The following STEAP2 variants were observed in gnomAD, a reference collection of about 807,000 sequenced individuals.
STEAP2 encodes the protein STEAP2 metalloreductase, also known as metalloreductase STEAP2.
STEAP2 carries 30 observed loss-of-function variants against 46.4 expected under a neutral mutation model. That is an observed-to-expected ratio of 0.65 (90% CI 0.48 to 0.88). The LOEUF is 0.88. Among genes scored for constraint, STEAP2 ranks in the 40% least tolerant of loss-of-function variants. The pLI is 0.00. For synonymous variants in STEAP2, 180 were observed against 200.5 expected (o/e 0.90, Z 0.86); for missense variants, 513 against 579.3 (o/e 0.89, Z 1.18).
chr7:90,236,573 T>C lies in STEAP2; in HGVS notation c.*3949T>C. 1 of 1,054,598 alleles carries C rather than the reference T, an allele frequency of 9.5e-7. No individual in the cohort carries two copies. Among genetic ancestry groups the C allele is most frequent in the Non-Finnish European group, 1.1e-6 (1 of 874,698 alleles). The allele number at this position is 1,054,598 out of a possible 1,614,324, so 65.3% of individuals were successfully genotyped here. Reference sequence around the variant, plus strand: ...TTTCAGTGGAAACTCAATCTGTTTTTACCTTTAAACAGTGAATTTTACATG... The same window carrying C: ...TTTCAGTGGAAACTCAATCTGTTTTCACCTTTAAACAGTGAATTTTACATG... On this transcript the variant is annotated 3_prime_UTR_variant, in exon 6 of 6. Coordinates refer to ENST00000394621, the MANE Select transcript of STEAP2 (RefSeq NM_001244944.2).
At chr7:90,242,820 G>T (rs575375750), downstream of STEAP2, among the ~76,000 whole-genome samples, 1 of 152,304 alleles carries the variant, frequency 6.6e-6, no homozygotes, top group Admixed American at 6.5e-5. Flanking sequence ...TGCAGCAGAA[G>T]CATGCTGGGC....
At chr7:90,212,817 GCCCCACCCCCAC>G (rs906830927) in intron 1 of STEAP2, among the ~76,000 whole-genome samples, 3 of 135,966 alleles carry the variant, frequency 2.2e-5, no homozygotes, top group South Asian at 2.4e-4. Context: ...TCAGACTCCT[GCCCCACCCCCAC>G]CCCCACCCCC....
Position 90,237,548 on chromosome 7 carries a change from C to G in STEAP2, c.*4924C>G, listed in dbSNP as rs1272252577. 1 of 153,064 alleles carries G rather than the reference C, an allele frequency of 6.5e-6. No individual in the cohort carries two copies. The highest frequency in any genetic ancestry group is 1.5e-5 in the Non-Finnish European group (1 of 68,696). 9.5% of individuals were successfully genotyped at this position (153,064 alleles called of 1,614,324 possible). On this transcript the variant is annotated 3_prime_UTR_variant, in exon 6 of 6. Coordinates refer to ENST00000394621, the MANE Select transcript of STEAP2 (RefSeq NM_001244944.2). ...AAAATATTGCTATCAAATTACACAC[C>G]ATGTTTTCTATCATTCTCATAGATC...
At position 90,225,159 on chromosome 7, in the gene STEAP2, A is replaced by G. The variant is rs753970968; in HGVS notation, c.77A>G (p.Lys26Arg). 1.6e-5 allele frequency: 26 copies of G among 1,614,006 alleles called. No individual in the cohort carries two copies. The South Asian group carries it at 2.7e-4, about 17-fold the overall frequency. The change falls in exon 3 of 6, where the codon AAA becomes AGA. Residue 26 changes from lysine (K) to arginine (R), a missense_variant. Coordinates refer to ENST00000394621, the MANE Select transcript of STEAP2 (RefSeq NM_001244944.2). ...TFLPNGINGI[K>R]DARKVTVGVI... ...TTACCTAATGGCATAAATGGTATCA[A>G]AGATGCAAGGAAGGTCACTGTAGGT...
At chr7:90,227,599 AT>A (rs1795557753) in intron 4 of STEAP2, 101 bp downstream of exon 4, 1 of 1,188,916 alleles carries the variant, frequency 8.4e-7, no homozygotes, top group Non-Finnish European at 1.1e-6. Context: ...TGGAAATTTG[AT>A]TTTGGTATAC....
intron 5 of STEAP2, 76 bp from the exon 6 acceptor site, chr7:90,232,261 C>A: frequency 7.0e-7 from 1 of 1,427,828 alleles, no homozygotes; most frequent in South Asian, 1.7e-5. Context: ...CATGGTGTAT[C>A]TTGATAGTTT....
rs150065024 is a variant in STEAP2 at position 90,229,811 on chromosome 7, CTG to C, written c.1021-58_1021-57del. On this transcript the variant is annotated intron_variant, in intron 4 of 5. Transcript: ENST00000394621. ...GTTCTTCTTATGCCAAGAGTGAACTCTGTGCTGAATCAGTTAATGTTCTACTA... is the reference window on the plus strand; with the variant it reads ...GTTCTTCTTATGCCAAGAGTGAACTCTGCTGAATCAGTTAATGTTCTACTA... 234 of 1,570,250 alleles carry C rather than the reference CTG, an allele frequency of 1.5e-4. 1 individual carries two copies. The African/African-American group carries it at 2.9e-3, about 20-fold the overall frequency.
Position 90,225,222 on chromosome 7 carries a change from T to C in STEAP2, c.140T>C (p.Ile47Thr), listed in dbSNP as rs1795431140. ...GSGDFAKSLT[I>T]RLIRCGYHVV... ...GGAGATTTTGCCAAATCCTTGACCA[T>C]TCGACTTATTAGATGCGGCTATCAT... is the stretch of plus-strand genomic sequence containing the variant. The change falls in exon 3 of 6, where the codon ATT becomes ACT. Residue 47 changes from isoleucine (I) to threonine (T), a missense_variant. By Grantham distance (89) the Ile-to-Thr change is moderately conservative. Coordinates refer to ENST00000394621, the MANE Select transcript of STEAP2 (RefSeq NM_001244944.2). 6.2e-7 allele frequency: 1 copy of C among 1,614,040 alleles called. No individual in the cohort carries two copies.
chr7:90,222,871 G>A (rs1584234424), intron 2 of STEAP2, among the ~76,000 whole-genome samples: 1 of 151,966 alleles, frequency 6.6e-6, no homozygotes, highest in East Asian at 1.9e-4. Flanking sequence ...CATTCCACCT[G>A]TGCCTGTAAA....
chr7:90,237,033 A>G lies in STEAP2; in HGVS notation c.*4409A>G. The stretch of plus-strand genomic sequence containing the variant: ...GTGTACATGTGACTGAGTGTTGGCC[A>G]GTGAGATGAAGTCTCCTCAAAGGAA... On this transcript the variant is annotated 3_prime_UTR_variant, in exon 6 of 6. Transcript: ENST00000394621. 8 of 1,429,750 alleles carry G rather than the reference A, an allele frequency of 5.6e-6. No homozygotes were observed. Among genetic ancestry groups the G allele is most frequent in the Non-Finnish European group, 7.8e-6 (8 of 1,023,596 alleles). The allele number at this position is 1,429,750 out of a possible 1,614,324, so 88.6% of individuals were successfully genotyped here.
Position 90,232,326 on chromosome 7 carries a change from C to A in STEAP2, c.1186-11C>A. ...ATTCTTTGTTTCTTTTCCTTCCTCTCCTGGCCCAAGTCTACACTTGGATAT... is the reference window on the plus strand; with the variant it reads ...ATTCTTTGTTTCTTTTCCTTCCTCTACTGGCCCAAGTCTACACTTGGATAT... On this transcript the variant is annotated splice_polypyrimidine_tract_variant and intron_variant, in intron 5 of 5. Transcript: ENST00000394621. 6.4e-7 allele frequency: 1 copy of A among 1,570,868 alleles called. No homozygotes were observed. The highest frequency in any genetic ancestry group is 1.2e-5 in the South Asian group (1 of 84,016).
intron 2 of STEAP2, among the ~76,000 whole-genome samples, chr7:90,220,044 T>C (rs1248431293): frequency 2.0e-5 from 3 of 152,198 alleles, no homozygotes; most frequent in African/African-American, 7.2e-5. Context: ...TGCTAGTATT[T>C]TGTTGAGAGT....
chr7:90,225,169 G>A lies in STEAP2; in HGVS notation c.87G>A (p.Arg29=). The part of the protein sequence containing the change: ...PNGINGIKDA[R]KVTVGVIGSG... ...GCATAAATGGTATCAAAGATGCAAG[G>A]AAGGTCACTGTAGGTGTGATTGGAA... The change falls in exon 3 of 6, where the codon AGG becomes AGA. Residue 29 remains arginine, a synonymous_variant. Coordinates refer to ENST00000394621, the MANE Select transcript of STEAP2 (RefSeq NM_001244944.2). The A allele has an allele frequency of 1.9e-6, 3 of 1,613,930 alleles. No homozygotes were observed. The highest frequency in any genetic ancestry group is 1.7e-6 in the Non-Finnish European group (2 of 1,179,928).
At chr7:90,212,806 T>G (rs892862600) in intron 1 of STEAP2, among the ~76,000 whole-genome samples, 7 of 151,866 alleles carry the variant, frequency 4.6e-5, no homozygotes, top group Non-Finnish European at 1.0e-4. Context: ...AGAAAAAGAA[T>G]TCAGACTCCT....
rs1043474457 is a variant in STEAP2, at chr7:90,216,599, C to T, written c.-38C>T. On this transcript the variant is annotated 5_prime_UTR_variant, in exon 2 of 6. Transcript: ENST00000394621. ...TGCATATTATTCAGCGTCCTATATT[C>T]AAAGGTAACTACTACTCTTTCGCAA... is the stretch of plus-strand genomic sequence containing the variant. The T allele has an allele frequency of 6.6e-6, 1 of 152,106 alleles. No individual in the cohort carries two copies. The highest frequency in any genetic ancestry group is 1.5e-5 in the Non-Finnish European group (1 of 68,022). 9.4% of individuals were successfully genotyped at this position (152,106 alleles called of 1,614,324 possible).
At chr7:90,215,790 T>G (rs1263024433) in intron 1 of STEAP2, 2 of 152,214 alleles carry the variant, frequency 1.3e-5, no homozygotes, top group African/African-American at 4.8e-5. Flanking sequence ...TGTTTTTGTT[T>G]GTTTTTGTTT....
In STEAP2 at chr7:90,233,763, C is replaced by G; in HGVS notation, c.*1139C>G. The G allele has an allele frequency of 1.0e-6, 1 of 985,404 alleles. No individual in the cohort carries two copies. 61.0% of individuals were successfully genotyped at this position (985,404 alleles called of 1,614,324 possible). A position where few individuals can be genotyped will look rare whatever the true frequency, so the allele number is the denominator to read the frequency against. ...AGGCCACGGTTTTAACCACTAGGCT[C>G]TAGAGCTCCCGCCGCGCCCCTATGC... On this transcript the variant is annotated 3_prime_UTR_variant, in exon 6 of 6. Coordinates refer to ENST00000394621, the MANE Select transcript of STEAP2 (RefSeq NM_001244944.2).
intron 3 of STEAP2, 86 bp downstream of exon 3, chr7:90,225,660 T>C (rs1795460048): frequency 1.5e-6 from 2 of 1,362,686 alleles, no homozygotes; most frequent in Non-Finnish European, 2.0e-6. Flanking sequence ...AATACCAAAC[T>C]CTGACACTTT....
downstream of STEAP2, among the ~76,000 whole-genome samples, chr7:90,241,503 G>A (rs1472498503): frequency 6.6e-6 from 1 of 152,104 alleles, no homozygotes; most frequent in Admixed American, 6.5e-5. Context: ...AGTATGATAT[G>A]GACCAGGAAG....
Sources: allele counts gnomAD v4.1 joint callset (sites outside exome capture counted in the v4.1 genomes callset), GRCh38; gene constraint gnomAD v4.1.1; transcripts MANE v1.5; gene names NCBI Gene and HGNC (gene_info 2026-07-23, HGNC 2026-07-21).